PDCD6: variants seen among roughly 807,000 people sequenced by gnomAD.
PDCD6 encodes programmed cell death protein 6.
A neutral mutation model predicts 28.3 loss-of-function variants in PDCD6; 12 were observed. That is an observed-to-expected ratio of 0.42 (90% CI 0.27 to 0.69). PDCD6 has a LOEUF of 0.69. Ranked by LOEUF, PDCD6 falls within the 30% of genes least tolerant of loss-of-function variation. The pLI is 0.22. For synonymous variants in PDCD6, 92 were observed against 108.0 expected, an observed-to-expected ratio of 0.85 and a Z score of 0.92; for missense variants, 226 against 269.9, an observed-to-expected ratio of 0.84 and a Z score of 1.14.
intron 2 of PDCD6, among the ~76,000 whole-genome samples, chr5:286,356 G>A (rs777215443): frequency 4.6e-5 from 7 of 151,650 alleles, no homozygotes; most frequent in Non-Finnish European, 7.4e-5. Context: ...TTTGAGAGCC[G>A]TGCAGCTGGA....
At position 307,927 on chromosome 5, in the gene PDCD6, C is replaced by T. The variant is rs138625741; in HGVS notation, c.367+1167C>T. Among the ~76,000 whole-genome samples the T allele has an allele frequency of 2.3e-4, 35 of 152,268 alleles. No individual in the cohort carries two copies. In the East Asian group the frequency reaches 6.2e-3, roughly 27 times the overall value. On this transcript the variant is annotated intron_variant, in intron 4 of 5. Coordinates refer to ENST00000264933, the MANE Select transcript of PDCD6 (RefSeq NM_013232.4). This position sits in a 1 kb window ranked among gnomAD's most constrained non-coding sequence, Gnocchi z 6.1. ...GAAGCAGTTCTGAGCTGACCAGCTG[C>T]GAGCCAGGATTTGGGCTGGATGGCT...
At chr5:299,404 C>CG (rs1419697733) in intron 2 of PDCD6, among the ~76,000 whole-genome samples, 3 of 150,076 alleles carry the variant, frequency 2.0e-5, no homozygotes, top group East Asian at 4.0e-4. Flanking sequence ...ATCAGCCCAT[C>CG]GGTTTCATCC....
intron 2 of PDCD6, among the ~76,000 whole-genome samples, chr5:295,107 A>C (rs373446946): frequency 2.0e-4 from 30 of 152,190 alleles, no homozygotes; most frequent in African/African-American, 6.3e-4. Flanking sequence ...CTGTACAGCA[A>C]ACACTAGCTT....
intron 2 of PDCD6, among the ~76,000 whole-genome samples, chr5:282,683 C>G (rs57431647): frequency 0.089 from 13,486 of 150,822 alleles, 1,648 homozygotes; most frequent in African/African-American, 0.31. Context: ...TGCATTGAGT[C>G]TTTCAGTTGG....
At chr5:288,495 T>C (rs1043037) in intron 2 of PDCD6, among the ~76,000 whole-genome samples, 56,805 of 150,772 alleles carry the variant, frequency 0.38, 12,398 homozygotes, top group South Asian at 0.51. Flanking sequence ...AAACTAAATG[T>C]GATAATCTCA....
At position 284,781 on chromosome 5, in the gene PDCD6, G is replaced by A. The variant is rs551904654; in HGVS notation, c.163+12009G>A. Reference sequence around the variant, plus strand: ...GAGCTCATGTTCCAGTTTGAGGGCCGGGGAGCTGATGTACCAGTTTGAGGG... The same window carrying A: ...GAGCTCATGTTCCAGTTTGAGGGCCAGGGAGCTGATGTACCAGTTTGAGGG... On this transcript the variant is annotated intron_variant, in intron 2 of 5. Coordinates refer to ENST00000264933, the MANE Select transcript of PDCD6 (RefSeq NM_013232.4). 5.6e-4 allele frequency among the ~76,000 whole-genome samples: 84 copies of A among 149,978 alleles called. 1 individual carries two copies. Among genetic ancestry groups the A allele is most frequent in the South Asian group, 2.8e-3 (13 of 4,712 alleles).
intron 2 of PDCD6, among the ~76,000 whole-genome samples, chr5:301,553 T>C (rs1740049782): frequency 6.6e-6 from 1 of 152,286 alleles, no homozygotes; most frequent in Non-Finnish European, 1.5e-5. Context: ...TCCTGCAGAT[T>C]ATCACTCTAT....
chr5:314,564 C>G lies in PDCD6; in HGVS notation c.*49C>G, dbSNP rs755743116. On this transcript the variant is annotated 3_prime_UTR_variant, in exon 6 of 6. Coordinates refer to ENST00000264933, the MANE Select transcript of PDCD6 (RefSeq NM_013232.4). The stretch of plus-strand genomic sequence containing the variant: ...CACAACATGGAAAGAGCCAAAATGT[C>G]ACAGTTCCTATCTGTGAGGGAATGG... The G allele has an allele frequency of 7.7e-7, 1 of 1,301,250 alleles. No individual in the cohort carries two copies. The highest frequency in any genetic ancestry group is 1.2e-5 in the South Asian group (1 of 84,374). 80.6% of individuals were successfully genotyped at this position (1,301,250 alleles called of 1,614,324 possible).
At position 304,158 on chromosome 5, in the gene PDCD6, T is replaced by C. The variant is rs753171147; in HGVS notation, c.164-19T>C. 10 of 1,329,946 alleles carry C rather than the reference T, an allele frequency of 7.5e-6. No homozygotes were observed. The highest frequency in any genetic ancestry group is 2.5e-5 in the South Asian group (2 of 80,978). The allele number at this position is 1,329,946 out of a possible 1,614,324, so 82.4% of individuals were successfully genotyped here. ...AAGATTTTCCTTTTACTTTAACTCC[T>C]GTTGTTGTTTGTTTTCAGGCACGTG... is the stretch of plus-strand genomic sequence containing the variant. On this transcript the variant is annotated intron_variant, in intron 2 of 5. Coordinates refer to ENST00000264933, the MANE Select transcript of PDCD6 (RefSeq NM_013232.4).
intron 1 of PDCD6, 69 bp downstream of exon 1, chr5:271,890 C>T (rs993279048): frequency 4.2e-5 from 33 of 794,092 alleles, no homozygotes; most frequent in African/African-American, 5.4e-5. Flanking sequence ...TCCCGACTCC[C>T]CCGACCAACC....
rs16900804 is a variant in PDCD6 at position 305,480 on chromosome 5, T to C, written c.209-1122T>C. ...GATGGAGGGAGAGAAAACTTGGAAG[T>C]GTAGTAGTGGCAGGGCTCAGCCTTT... On this transcript the variant is annotated intron_variant, in intron 3 of 5. Transcript: ENST00000264933. The surrounding 1 kb of genome is among the most constrained non-coding windows in gnomAD (Gnocchi z 4.0). 0.15 allele frequency: 22,570 copies of C among 151,990 alleles called. 1,945 individuals are homozygous for C. Among genetic ancestry groups the C allele is most frequent in the Non-Finnish European group, 0.18 (12,365 of 67,940 alleles). The allele number at this position is 151,990 out of a possible 1,614,324, so 9.4% of individuals were successfully genotyped here. A position where few individuals can be genotyped will look rare whatever the true frequency, so the allele number is the denominator to read the frequency against.
intron 2 of PDCD6, among the ~76,000 whole-genome samples, chr5:287,312 C>T (rs929757240): frequency 2.0e-5 from 3 of 151,976 alleles, no homozygotes; most frequent in Non-Finnish European, 1.5e-5. Context: ...AACACGGAGC[C>T]GATGTTAGGG....
At chr5:309,635 A>T (rs3975661) in intron 4 of PDCD6, 1 of 50,608 alleles carries the variant, frequency 2.0e-5, no homozygotes, top group Non-Finnish European at 3.6e-5. Context: ...CCCCGTGCAC[A>T]CCAGTGAGGG....
rs1381014880 is a variant in PDCD6 at position 307,605 on chromosome 5, T to C, written c.367+845T>C. Among the ~76,000 whole-genome samples the C allele has an allele frequency of 2.0e-5, 3 of 152,132 alleles. No individual in the cohort carries two copies. Among genetic ancestry groups the C allele is most frequent in the Non-Finnish European group, 4.4e-5 (3 of 68,010 alleles). On this transcript the variant is annotated intron_variant, in intron 4 of 5. Transcript: ENST00000264933. This position sits in a 1 kb window ranked among gnomAD's most constrained non-coding sequence, Gnocchi z 6.1. Reference sequence around the variant, plus strand: ...ATTTACAGAGGAACAACGGGCATGTTTGGGGCCAGCCTGAGGCTGTTGGTG... The same window carrying C: ...ATTTACAGAGGAACAACGGGCATGTCTGGGGCCAGCCTGAGGCTGTTGGTG...
chr5:292,560 G>C (rs566481330), intron 2 of PDCD6, among the ~76,000 whole-genome samples: 1 of 152,246 alleles, frequency 6.6e-6, no homozygotes, highest in Admixed American at 6.5e-5. Flanking sequence ...TGCCTGGCCT[G>C]CCTTTTTCTT....
intron 2 of PDCD6, chr5:288,872 G>A (rs1052967963): frequency 6.5e-6 from 10 of 1,535,070 alleles, no homozygotes; most frequent in Admixed American, 2.0e-5. Context: ...CTGTGGCTTC[G>A]TCATCATTTT....
intron 2 of PDCD6, among the ~76,000 whole-genome samples, chr5:275,360 A>G (rs1403268833): frequency 3.9e-5 from 6 of 152,156 alleles, no homozygotes; most frequent in South Asian, 2.1e-4. Flanking sequence ...GGGCTCACAC[A>G]CCTGCTGCGG....
intron 4 of PDCD6, chr5:308,417 C>G (rs1740669811): frequency 6.6e-6 from 1 of 152,162 alleles, no homozygotes; most frequent in South Asian, 2.1e-4. Flanking sequence ...AGTGGGCAGG[C>G]CTGCTTGTGT....
At chr5:299,747 C>T (rs1739917814) in intron 2 of PDCD6, among the ~76,000 whole-genome samples, 1 of 152,138 alleles carries the variant, frequency 6.6e-6, no homozygotes, top group Non-Finnish European at 1.5e-5. Flanking sequence ...GATGGGGTTT[C>T]ACCATATTAG....
Sources: gnomAD v4.1 joint callset for allele counts (sites outside exome capture counted in the v4.1 genomes callset) on GRCh38, gnomAD v4.1.1 for gene constraint, Gnocchi (gnomAD v3.1) non-coding constraint, MANE v1.5 for transcripts, NCBI Gene and HGNC (gene_info 2026-07-23, HGNC 2026-07-21) for gene names.